The following HTRA3 variants were observed in gnomAD, a reference collection of about 807,000 sequenced individuals.
HTRA3 encodes the protein serine protease HTRA3.
Under a neutral mutation model 43.2 loss-of-function variants are expected in HTRA3, and 41 were observed. That is an observed-to-expected ratio of 0.95 (90% CI 0.74 to 1.23). HTRA3 has a LOEUF of 1.23. Among genes scored for constraint, HTRA3 ranks in the 50% most tolerant of loss-of-function variants. The probability of loss-of-function intolerance (pLI) is 0.00; values close to 1 mark genes in which losing one functional copy is unlikely to be tolerated. For synonymous variants in HTRA3, 295 were observed against 287.9 expected, an observed-to-expected ratio of 1.02 and a Z score of -0.25; for missense variants, 628 against 647.1, an observed-to-expected ratio of 0.97 and a Z score of 0.32.
At chr4:8,274,420 A>G (rs546764272) in intron 1 of HTRA3, among the ~76,000 whole-genome samples, 1 of 152,204 alleles carries the variant, frequency 6.6e-6, no homozygotes, top group South Asian at 2.1e-4. Context: ...ACTGTGGGTC[A>G]ATTTCTCTGC....
At chr4:8,282,588 C>G in intron 2 of HTRA3, 52 bp downstream of exon 2, 2 of 1,387,302 alleles carry the variant, frequency 1.4e-6, no homozygotes, top group Non-Finnish European at 2.0e-6. Context: ...CCTGGTACAC[C>G]CGCCAGCTGC....
In HTRA3 at chr4:8,302,512, G is replaced by A; in HGVS notation, c.1100+1G>A. Reference sequence around the variant, plus strand: ...TACGGATGCGGACGATCACACCAAGGTGAGTGTCTGAAGAGTGCCATCCCC... The same window carrying A: ...TACGGATGCGGACGATCACACCAAGATGAGTGTCTGAAGAGTGCCATCCCC... On this transcript the variant is annotated splice_donor_variant, in intron 7 of 8. Transcript: ENST00000307358. LOFTEE classifies it high-confidence loss of function. The A allele has an allele frequency of 1.2e-6, 2 of 1,613,902 alleles. No homozygotes were observed. The highest frequency in any genetic ancestry group is 1.3e-5 in the African/African-American group (1 of 74,970).
At chr4:8,284,091 G>A (rs540348768) in intron 2 of HTRA3, among the ~76,000 whole-genome samples, 208 of 152,254 alleles carry the variant, frequency 1.4e-3, no homozygotes, top group African/African-American at 4.5e-3. Context: ...TGGGCTGTGG[G>A]CTGTGTAGCC....
At position 8,286,693 on chromosome 4, in the gene HTRA3, G is replaced by C. The variant is rs752677540; in HGVS notation, c.618G>C (p.Lys206Asn). ...CTGCCCCGGGCAGGCAGCAGCTCAA[G>C]GTGCAGCTACAGAATGGGGACTCCT... ...NSAAPGRQQL[K>N]VQLQNGDSYE... The change falls in exon 3 of 9, where the codon AAG becomes AAC. Residue 206 changes from lysine (K) to asparagine (N), a missense_variant. Physicochemically the swap from Lys to Asn is moderately conservative, Grantham distance 94. Coordinates refer to ENST00000307358, the MANE Select transcript of HTRA3 (RefSeq NM_053044.5). This position sits in a 1 kb window ranked among gnomAD's most constrained non-coding sequence, Gnocchi z 4.9. 1 of 1,614,164 alleles carries C rather than the reference G, an allele frequency of 6.2e-7. No individual in the cohort carries two copies. The highest frequency in any genetic ancestry group is 8.5e-7 in the Non-Finnish European group (1 of 1,180,004).
Position 8,294,083 on chromosome 4 carries a change from C to T in HTRA3, c.937-4C>T. The T allele has an allele frequency of 6.2e-7, 1 of 1,603,028 alleles. No homozygotes were observed. ...CTGATGCCTGCTCTTACCTCCCTGC[C>T]CAGGATGGCGAGGTCATTGGCATCA... is the stretch of plus-strand genomic sequence containing the variant. On this transcript the variant is annotated splice_polypyrimidine_tract_variant and splice_region_variant and intron_variant, in intron 5 of 8. Transcript: ENST00000307358.
Position 8,278,930 on chromosome 4 carries a change from A to G in HTRA3, c.386-3507A>G, listed in dbSNP as rs1346436717. ...TTGCAGACCTACTGTGTGCTGGCTCAGAGAGCATCAAGAAGGGCCCCCTTG... is the reference window on the plus strand; with the variant it reads ...TTGCAGACCTACTGTGTGCTGGCTCGGAGAGCATCAAGAAGGGCCCCCTTG... On this transcript the variant is annotated intron_variant, in intron 1 of 8. Transcript: ENST00000307358. 3.9e-5 allele frequency among the ~76,000 whole-genome samples: 6 copies of G among 152,312 alleles called. No homozygotes were observed. In the South Asian group the frequency reaches 8.3e-4, roughly 21 times the overall value.
intron 5 of HTRA3, 29 bp downstream of exon 5, chr4:8,292,382 C>A: frequency 6.2e-7 from 1 of 1,605,132 alleles, no homozygotes; most frequent in Non-Finnish European, 8.5e-7. Flanking sequence ...CAAAATCTCT[C>A]AGGTTTCTGG....
At chr4:8,300,739 C>T (rs751121889) in intron 6 of HTRA3, among the ~76,000 whole-genome samples, 9 of 152,030 alleles carry the variant, frequency 5.9e-5, no homozygotes, top group Non-Finnish European at 1.2e-4. Context: ...TTGATTTACA[C>T]TCTTCATTGA....
At chr4:8,272,198 G>A (rs1261071403) in intron 1 of HTRA3, among the ~76,000 whole-genome samples, 1 of 152,214 alleles carries the variant, frequency 6.6e-6, no homozygotes, top group Non-Finnish European at 1.5e-5. Flanking sequence ...GACACTCACT[G>A]ACTTCTGGAG....
rs974413169 is a variant in HTRA3 at position 8,279,306 on chromosome 4, T to G, written c.386-3131T>G. On this transcript the variant is annotated intron_variant, in intron 1 of 8. Coordinates refer to ENST00000307358, the MANE Select transcript of HTRA3 (RefSeq NM_053044.5). The surrounding 1 kb of genome is among the most constrained non-coding windows in gnomAD (Gnocchi z 7.4). The stretch of plus-strand genomic sequence containing the variant: ...AAATAACCACCATGTAGTAGAATTT[T>G]GATGTTTCCTGCAAGGCTTTTACTT... Among the ~76,000 whole-genome samples the G allele has an allele frequency of 6.6e-6, 1 of 152,242 alleles. No homozygotes were observed. Among genetic ancestry groups the G allele is most frequent in the East Asian group, 1.9e-4 (1 of 5,200 alleles).
At chr4:8,303,923 T>C (rs1411585842) in intron 7 of HTRA3, among the ~76,000 whole-genome samples, 4 of 152,138 alleles carry the variant, frequency 2.6e-5, no homozygotes, top group African/African-American at 9.7e-5. Flanking sequence ...CATCCATCCA[T>C]CCATCCTCCC....
intron 4 of HTRA3, 50 bp from the exon 5 acceptor site, chr4:8,292,271 A>C (rs1713277411): frequency 6.4e-7 from 1 of 1,568,748 alleles, no homozygotes; most frequent in Admixed American, 1.7e-5. Flanking sequence ...GGGCTCCAGG[A>C]AGCCTCAGGC....
chr4:8,295,755 A>C lies in HTRA3; in HGVS notation c.1051+1554A>C. The stretch of plus-strand genomic sequence containing the variant: ...TCCTCACGTTTCCCCCTCCTCCATG[A>C]CCCCGTCAGCCAAGCACATGGACCC... On this transcript the variant is annotated intron_variant, in intron 6 of 8. Coordinates refer to ENST00000307358, the MANE Select transcript of HTRA3 (RefSeq NM_053044.5). This position sits in a 1 kb window ranked among gnomAD's most constrained non-coding sequence, Gnocchi z 6.9. 2 of 1,307,476 alleles carry C rather than the reference A, an allele frequency of 1.5e-6. No individual in the cohort carries two copies. The highest frequency in any genetic ancestry group is 9.8e-7 in the Non-Finnish European group (1 of 1,025,296). The allele number at this position is 1,307,476 out of a possible 1,614,324, so 81.0% of individuals were successfully genotyped here.
At position 8,292,075 on chromosome 4, in the gene HTRA3, C is replaced by T. The variant is rs111836840; in HGVS notation, c.904-246C>T. Among the ~76,000 whole-genome samples, 150 of 151,382 alleles carry T rather than the reference C, an allele frequency of 9.9e-4. 2 individuals carry two copies. Among genetic ancestry groups the T allele is most frequent in the African/African-American group, 3.4e-3 (139 of 41,486 alleles). ...GCACCAGGCGGTGCTGCCTGGCCTCCGGGGTGTAGATGCCGAAGCGTATGG... is the reference window on the plus strand; with the variant it reads ...GCACCAGGCGGTGCTGCCTGGCCTCTGGGGTGTAGATGCCGAAGCGTATGG... On this transcript the variant is annotated intron_variant, in intron 4 of 8. Transcript: ENST00000307358.
At chr4:8,298,106 C>T (rs371667463) in intron 6 of HTRA3, among the ~76,000 whole-genome samples, 66 of 152,338 alleles carry the variant, frequency 4.3e-4, no homozygotes, top group African/African-American at 1.5e-3. Context: ...GGACCGTTAC[C>T]TCTCTGGGCT....
chr4:8,282,182 G>T (rs532282217), intron 1 of HTRA3, among the ~76,000 whole-genome samples: 2 of 152,202 alleles, frequency 1.3e-5, no homozygotes, highest in South Asian at 2.1e-4. Context: ...TCCAGTGAGG[G>T]GGGTGAGGAA....
At chr4:8,273,674 G>A (rs529242066) in intron 1 of HTRA3, among the ~76,000 whole-genome samples, 50 of 152,100 alleles carry the variant, frequency 3.3e-4, no homozygotes, top group African/African-American at 1.0e-3. Flanking sequence ...ACTCTTCCCA[G>A]CCCCACTGAA....
At chr4:8,298,963 T>C (rs979907832) in intron 6 of HTRA3, among the ~76,000 whole-genome samples, 8 of 152,342 alleles carry the variant, frequency 5.3e-5, no homozygotes, top group African/African-American at 1.7e-4. Context: ...CCTCAGACCC[T>C]TTGCATTTCT....
In HTRA3 at chr4:8,305,975, G is replaced by C; in HGVS notation, c.1201G>C (p.Gly401Arg). 6 of 1,611,314 alleles carry C rather than the reference G, an allele frequency of 3.7e-6. No homozygotes were observed. The highest frequency in any genetic ancestry group is 5.1e-6 in the Non-Finnish European group (6 of 1,179,338). ...VAPNSPSQRG[G>R]IQDGDIIVKV... Reference sequence around the variant, plus strand: ...CCCCGTCTCTCCTGTTGGCAGAGGCGGCATCCAAGATGGTGACATCATCGT... The same window carrying C: ...CCCCGTCTCTCCTGTTGGCAGAGGCCGCATCCAAGATGGTGACATCATCGT... The change falls in exon 9 of 9, where the codon GGC becomes CGC. Residue 401 changes from glycine (G) to arginine (R), a missense_variant. Transcript: ENST00000307358.
Sources: gnomAD v4.1 joint callset for allele counts (sites outside exome capture counted in the v4.1 genomes callset) on GRCh38, gnomAD v4.1.1 for gene constraint, Gnocchi (gnomAD v3.1) non-coding constraint, MANE v1.5 for transcripts, NCBI Gene and HGNC (gene_info 2026-07-23, HGNC 2026-07-21) for gene names.